The following DGKB variants were observed in gnomAD, a reference collection of about 807,000 sequenced individuals.
The protein encoded by DGKB is 90 kDa diacylglycerol kinase.
Under a neutral mutation model 114.3 loss-of-function variants are expected in DGKB, and 67 were observed. That is an observed-to-expected ratio of 0.59 (90% CI 0.48 to 0.72). The LOEUF (loss-of-function observed/expected upper bound fraction) is 0.72, where lower values mean the gene tolerates loss of function less well. Among genes scored for constraint, DGKB ranks in the 30% least tolerant of loss-of-function variants. The pLI is 0.00. For missense variants in DGKB, 907 were observed against 975.2 expected, an observed-to-expected ratio of 0.93 and a Z score of 0.93; for synonymous variants, 398 against 323.1, an observed-to-expected ratio of 1.23 and a Z score of -2.49.
At chr7:14,373,739 A>G (rs1481106769) in intron 21 of DGKB, among the ~76,000 whole-genome samples, 1 of 152,148 alleles carries the variant, frequency 6.6e-6, no homozygotes, top group African/African-American at 2.4e-5. Context: ...TAAGGAGAGA[A>G]GGGATAGTTC....
chr7:14,289,886 T>A (rs1207979107), intron 23 of DGKB, among the ~76,000 whole-genome samples: 1 of 152,134 alleles, frequency 6.6e-6, no homozygotes, highest in Non-Finnish European at 1.5e-5. Flanking sequence ...AATATCATCA[T>A]TAGTAAGAGG....
At chr7:14,253,337 A>T (rs1795513562) in intron 23 of DGKB, among the ~76,000 whole-genome samples, 1 of 151,978 alleles carries the variant, frequency 6.6e-6, no homozygotes, top group African/African-American at 2.4e-5. Context: ...CGGCCACTTA[A>T]ATTGATTTGT....
chr7:14,575,042 T>C (rs777474496), intron 19 of DGKB, among the ~76,000 whole-genome samples: 1 of 152,198 alleles, frequency 6.6e-6, no homozygotes, highest in South Asian at 2.1e-4. Flanking sequence ...GGAGGACTAC[T>C]TGAGGCCAGG....
chr7:14,689,982 T>C (rs569180900), intron 9 of DGKB, among the ~76,000 whole-genome samples: 8 of 152,302 alleles, frequency 5.3e-5, no homozygotes, highest in South Asian at 4.1e-4. Flanking sequence ...GGCACACATA[T>C]AGTGAGACCA....
chr7:14,573,045 T>G (rs1798623463), intron 20 of DGKB, among the ~76,000 whole-genome samples: 1 of 152,176 alleles, frequency 6.6e-6, no homozygotes, highest in Admixed American at 6.5e-5. Context: ...AAAAATGTTC[T>G]AAAATTGGAT....
intron 20 of DGKB, among the ~76,000 whole-genome samples, chr7:14,541,701 T>G (rs1371820820): frequency 6.6e-6 from 1 of 152,216 alleles, no homozygotes; most frequent in Admixed American, 6.5e-5. Flanking sequence ...TCTATAGGCT[T>G]TTCTGAGCAA....
intron 23 of DGKB, among the ~76,000 whole-genome samples, chr7:14,301,286 T>C (rs894423554): frequency 3.9e-5 from 6 of 152,142 alleles, no homozygotes; most frequent in African/African-American, 1.4e-4. Flanking sequence ...AACAGTGGGA[T>C]AGAATAGTTG....
At chr7:14,663,908 C>G (rs1817593903) in intron 13 of DGKB, among the ~76,000 whole-genome samples, 2 of 151,922 alleles carry the variant, frequency 1.3e-5, no homozygotes, top group South Asian at 4.1e-4. Context: ...TCAATCCTTA[C>G]AACTGCTATA....
intron 21 of DGKB, among the ~76,000 whole-genome samples, chr7:14,354,160 A>T (rs915874972): frequency 3.9e-5 from 6 of 152,310 alleles, no homozygotes; most frequent in African/African-American, 1.4e-4. Flanking sequence ...AATATTTAAG[A>T]TATGGTATTT....
At chr7:14,734,018 C>T (rs575446155) in intron 5 of DGKB, among the ~76,000 whole-genome samples, 1,254 of 120,084 alleles carry the variant, frequency 0.01, 14 homozygotes, top group African/African-American at 0.047. Context: ...TCTATACCAA[C>T]ACGTGTGTGT....
intron 23 of DGKB, among the ~76,000 whole-genome samples, chr7:14,265,169 C>G (rs1797307422): frequency 1.3e-5 from 2 of 149,212 alleles, no homozygotes; most frequent in African/African-American, 2.5e-5. Flanking sequence ...AAAAACAAGT[C>G]TAAAACATTC....
At chr7:14,730,589 G>A (rs1340280965) in intron 5 of DGKB, among the ~76,000 whole-genome samples, 3 of 152,188 alleles carry the variant, frequency 2.0e-5, no homozygotes, top group Non-Finnish European at 4.4e-5. Context: ...GCATAGGGCA[G>A]GGAGATGGAG....
intron 2 of DGKB, among the ~76,000 whole-genome samples, chr7:14,822,987 C>T (rs948925000): frequency 6.6e-6 from 1 of 151,662 alleles, no homozygotes; most frequent in Admixed American, 6.6e-5. Flanking sequence ...CTGAATTTAC[C>T]AAGCATTTAA....
At chr7:14,656,478 C>G (rs1313191564) in intron 13 of DGKB, among the ~76,000 whole-genome samples, 1 of 151,224 alleles carries the variant, frequency 6.6e-6, no homozygotes, top group African/African-American at 2.4e-5. Context: ...ATCTTCTTGA[C>G]AGTGAACTCC....
chr7:14,470,246 T>G (rs1281207929), intron 21 of DGKB, among the ~76,000 whole-genome samples: 1 of 151,910 alleles, frequency 6.6e-6, no homozygotes. Context: ...AAACTGATTT[T>G]ATTCAAAACA....
chr7:14,383,843 G>A lies in DGKB; in HGVS notation c.1836-38452C>T, dbSNP rs571580687. Among the ~76,000 whole-genome samples the A allele has an allele frequency of 3.9e-5, 6 of 152,328 alleles. No individual in the cohort carries two copies. In the South Asian group the frequency reaches 1.2e-3, roughly 32 times the overall value. On this transcript the variant is annotated intron_variant, in intron 21 of 25. Coordinates refer to ENST00000402815, the MANE Select transcript of DGKB (RefSeq NM_001350709.2). ...TTATCATCCTGGAATTCAAATCTGG[G>A]TTCTAATAGTAAGCGAGAAAGAGAG...
intron 23 of DGKB, among the ~76,000 whole-genome samples, chr7:14,181,809 C>T (rs144325036): frequency 1.1e-3 from 164 of 152,236 alleles, no homozygotes; most frequent in African/African-American, 3.5e-3. Flanking sequence ...AAACAAAGTA[C>T]GTTTCTGAAA....
At chr7:14,464,334 C>G (rs1833534086) in intron 21 of DGKB, among the ~76,000 whole-genome samples, 1 of 151,784 alleles carries the variant, frequency 6.6e-6, no homozygotes, top group African/African-American at 2.4e-5. Context: ...GCCAAAATTC[C>G]AAATGACTTT....
chr7:14,770,913 T>C (rs935818413), intron 2 of DGKB, among the ~76,000 whole-genome samples: 1 of 152,094 alleles, frequency 6.6e-6, no homozygotes, highest in African/African-American at 2.4e-5. Flanking sequence ...ACCAAGAGTT[T>C]TGCCTAGACC....
Sources: gnomAD v4.1 joint callset for allele counts (sites outside exome capture counted in the v4.1 genomes callset) on GRCh38, gnomAD v4.1.1 for gene constraint, MANE v1.5 for transcripts, NCBI Gene and HGNC (gene_info 2026-07-23, HGNC 2026-07-21) for gene names.